The following PPP1R18 variants were observed in gnomAD, a reference collection of about 807,000 sequenced individuals.
PPP1R18 encodes protein phosphatase 1 regulatory subunit 18.
Under a neutral mutation model 54.8 loss-of-function variants are expected in PPP1R18, and 31 were observed. The ratio of observed to expected loss-of-function variants is 0.57; its 90% confidence interval spans 0.43 to 0.76. The LOEUF is 0.76. Ranked by LOEUF, PPP1R18 falls within the 30% of genes least tolerant of loss-of-function variation. The pLI, the probability that PPP1R18 is intolerant of heterozygous loss-of-function variation, is 0.00. For synonymous variants in PPP1R18, 310 were observed against 320.2 expected (o/e 0.97, Z 0.34); for missense variants, 685 against 776.1 (o/e 0.88, Z 1.39).
chr6:30,688,327 A>C, upstream of PPP1R18: 1 of 351,282 alleles, frequency 2.8e-6, no homozygotes, highest in Non-Finnish European at 5.3e-6. The surrounding 1 kb of genome is among the most constrained non-coding windows in gnomAD (Gnocchi z 5.9). Context: ...CGCAGAGGCA[A>C]GTAACAGTGC....
chr6:30,680,441 G>A lies in PPP1R18; in HGVS notation c.1612-1052C>T, dbSNP rs377400996. 1.1e-4 allele frequency among the ~76,000 whole-genome samples: 16 copies of A among 152,224 alleles called. 1 individual carries two copies. The highest frequency in any genetic ancestry group is 3.6e-4 in the African/African-American group (15 of 41,544). On this transcript the variant is annotated intron_variant, in intron 1 of 2. Transcript: ENST00000274853. ...TGGCATCTGTTTGGGAAGACTTGGG[G>A]TCAGCCGTACATCCCTGAGTCCCCT...
chr6:30,679,059 C>T (rs2127605776), intron 2 of PPP1R18, 120 bp downstream of exon 2: 1 of 714,022 alleles, frequency 1.4e-6, no homozygotes, highest in East Asian at 3.0e-5. Flanking sequence ...GCATGTTGAA[C>T]CAGAGGACCC....
rs1329965771 is a variant in PPP1R18 at position 30,677,069 on chromosome 6, C to T, written c.*200G>A. 1.4e-6 allele frequency: 1 copy of T among 706,238 alleles called. No individual in the cohort carries two copies. The highest frequency in any genetic ancestry group is 2.6e-6 in the Non-Finnish European group (1 of 385,894). The allele number at this position is 706,238 out of a possible 1,614,324, so 43.7% of individuals were successfully genotyped here. A position where few individuals can be genotyped will look rare whatever the true frequency, so the allele number is the denominator to read the frequency against. On this transcript the variant is annotated 3_prime_UTR_variant, in exon 3 of 3. Coordinates refer to ENST00000274853, the MANE Select transcript of PPP1R18 (RefSeq NM_133471.4). ...ATGCACCAGCACGTTTAACCCCACCCACACCAGGGACTTTGGATTAGGGTA... is the reference window on the plus strand; with the variant it reads ...ATGCACCAGCACGTTTAACCCCACCTACACCAGGGACTTTGGATTAGGGTA...
chr6:30,684,370 G>A lies in PPP1R18; in HGVS notation c.1611+38C>T, dbSNP rs770626550. 1 of 1,496,986 alleles carries A rather than the reference G, an allele frequency of 6.7e-7. No homozygotes were observed. Among genetic ancestry groups the A allele is most frequent in the Non-Finnish European group, 8.9e-7 (1 of 1,121,248 alleles). The allele number at this position is 1,496,986 out of a possible 1,614,324, so 92.7% of individuals were successfully genotyped here. A position where few individuals can be genotyped will look rare whatever the true frequency, so the allele number is the denominator to read the frequency against. On this transcript the variant is annotated intron_variant, in intron 1 of 2. Coordinates refer to ENST00000274853, the MANE Select transcript of PPP1R18 (RefSeq NM_133471.4). This position sits in a 1 kb window ranked among gnomAD's most constrained non-coding sequence, Gnocchi z 6.0. Reference sequence around the variant, plus strand: ...ACCAGAGTCCAGAGAAAATTGACAAGTGGACTTCTAAGAAGTCTGGCTTGG... The same window carrying A: ...ACCAGAGTCCAGAGAAAATTGACAAATGGACTTCTAAGAAGTCTGGCTTGG...
At chr6:30,678,871 A>G (rs976109443) in intron 2 of PPP1R18, among the ~76,000 whole-genome samples, 4 of 152,162 alleles carry the variant, frequency 2.6e-5, no homozygotes, top group African/African-American at 9.6e-5. Flanking sequence ...AAGAGATCAG[A>G]TGGTTTCCCT....
At position 30,685,726 on chromosome 6, in the gene PPP1R18, T is replaced by TGCTGCTGCC. The variant is rs1486656167; in HGVS notation, c.284_292dup (p.Arg95_Gln97dup). 68 of 1,612,532 alleles carry TGCTGCTGCC rather than the reference T, an allele frequency of 4.2e-5. No homozygotes were observed. The highest frequency in any genetic ancestry group is 5.7e-5 in the Non-Finnish European group (67 of 1,179,870). On this transcript the variant is annotated inframe_insertion, in exon 1 of 3. Transcript: ENST00000274853. This position sits in a 1 kb window ranked among gnomAD's most constrained non-coding sequence, Gnocchi z 5.0. ...TTCACTCCGTTGTTGTTGCTGCTGC[T>TGCTGCTGCC]GCTGCTGCCGCTCCTGCCGGATGAA... is the stretch of plus-strand genomic sequence containing the variant.
At position 30,683,425 on chromosome 6, in the gene PPP1R18, C is replaced by T. The variant is rs1770671253; in HGVS notation, c.1611+983G>A. 6.6e-6 allele frequency among the ~76,000 whole-genome samples: 1 copy of T among 152,176 alleles called. No homozygotes were observed. The highest frequency in any genetic ancestry group is 2.1e-4 in the South Asian group (1 of 4,836). ...CTTTGTTGCAAGTCTAACCTCTGACCCTCTGCTGGCCTCAGCCCCAACCCC... is the reference window on the plus strand; with the variant it reads ...CTTTGTTGCAAGTCTAACCTCTGACTCTCTGCTGGCCTCAGCCCCAACCCC... On this transcript the variant is annotated intron_variant, in intron 1 of 2. Coordinates refer to ENST00000274853, the MANE Select transcript of PPP1R18 (RefSeq NM_133471.4). This position sits in a 1 kb window ranked among gnomAD's most constrained non-coding sequence, Gnocchi z 5.1.
In PPP1R18 at chr6:30,684,851, G is replaced by C; in HGVS notation, c.1168C>G (p.Leu390Val). Residue 390 changes from leucine to valine, a missense_variant, in exon 1 of 3, where the codon CTG becomes GTG. By Grantham distance (32) the Leu-to-Val change is conservative (BLOSUM62 1). Transcript: ENST00000274853. This position sits in a 1 kb window ranked among gnomAD's most constrained non-coding sequence, Gnocchi z 6.0. ...KEEAGAQGRP[L>V]RALQNCCSVP... is the part of the protein sequence containing the mutation. ...GAGCAGCAGTTCTGCAGGGCTCTCAGAGGCCTGCCCTGAGCCCCCGCCTCC... is the reference window on the plus strand; with the variant it reads ...GAGCAGCAGTTCTGCAGGGCTCTCACAGGCCTGCCCTGAGCCCCCGCCTCC... 2 of 1,612,838 alleles carry C rather than the reference G, an allele frequency of 1.2e-6. No homozygotes were observed. Among genetic ancestry groups the C allele is most frequent in the Non-Finnish European group, 1.7e-6 (2 of 1,180,010 alleles).
At position 30,684,923 on chromosome 6, in the gene PPP1R18, G is replaced by A. The variant is rs1409879658; in HGVS notation, c.1096C>T (p.Leu366=). The change falls in exon 1 of 3, where the codon CTG becomes TTG. Residue 366 remains leucine (L), a synonymous_variant. Coordinates refer to ENST00000274853, the MANE Select transcript of PPP1R18 (RefSeq NM_133471.4). The surrounding 1 kb of genome is among the most constrained non-coding windows in gnomAD (Gnocchi z 6.0). ...CCAGCCTCCACACCGGGAGATTCCAGAAGCTTCTCTGCTGACTCTGGAGGT... is the reference window on the plus strand; with the variant it reads ...CCAGCCTCCACACCGGGAGATTCCAAAAGCTTCTCTGCTGACTCTGGAGGT... ...PEPPESAEKL[L]ESPGVEAGEG... is the part of the protein sequence containing the mutation. 1 of 1,613,048 alleles carries A rather than the reference G, an allele frequency of 6.2e-7. No homozygotes were observed. Among genetic ancestry groups the A allele is most frequent in the Non-Finnish European group, 8.5e-7 (1 of 1,180,012 alleles).
chr6:30,686,713 T>G (rs1477841975), upstream of PPP1R18: 1 of 50,582 alleles, frequency 2.0e-5, no homozygotes, highest in Non-Finnish European at 4.5e-5. Context: ...CCCCCACCCC[T>G]CTGCCCCGCA....
At chr6:30,678,610 C>T (rs1446753685) in intron 2 of PPP1R18, among the ~76,000 whole-genome samples, 1 of 150,540 alleles carries the variant, frequency 6.6e-6, no homozygotes, top group Non-Finnish European at 1.5e-5. Flanking sequence ...GATCTCCTGA[C>T]TTCGTGATCC....
In PPP1R18 at chr6:30,684,165, C is replaced by A. The variant is rs2127612493; in HGVS notation, c.1611+243G>T. On this transcript the variant is annotated intron_variant, in intron 1 of 2. Transcript: ENST00000274853. The surrounding 1 kb of genome is among the most constrained non-coding windows in gnomAD (Gnocchi z 6.0). ...GGAAGGGAGAATGAGCAGCCTGGCA[C>A]ACCCTGAAAGAGACACACCCAGAGA... 6.6e-6 allele frequency among the ~76,000 whole-genome samples: 1 copy of A among 152,256 alleles called. No homozygotes were observed. Among genetic ancestry groups the A allele is most frequent in the Middle Eastern group, 3.4e-3 (1 of 294 alleles).
Position 30,683,108 on chromosome 6 carries a change from C to G in PPP1R18, c.1611+1300G>C, listed in dbSNP as rs1295425028. Reference sequence around the variant, plus strand: ...GAATTGGGGGATCAAATGAACCCCCCTCCACCCAAGGCTTAACCCGTATCT... The same window carrying G: ...GAATTGGGGGATCAAATGAACCCCCGTCCACCCAAGGCTTAACCCGTATCT... On this transcript the variant is annotated intron_variant, in intron 1 of 2. Coordinates refer to ENST00000274853, the MANE Select transcript of PPP1R18 (RefSeq NM_133471.4). The surrounding 1 kb of genome is among the most constrained non-coding windows in gnomAD (Gnocchi z 5.1). Among the ~76,000 whole-genome samples, 4 of 152,330 alleles carry G rather than the reference C, an allele frequency of 2.6e-5. No homozygotes were observed. Among genetic ancestry groups the G allele is most frequent in the African/African-American group, 4.8e-5 (2 of 41,574 alleles).
In PPP1R18 at chr6:30,676,695, AT is replaced by A. The variant is rs1160869350; in HGVS notation, c.*573del. On this transcript the variant is annotated 3_prime_UTR_variant, in exon 3 of 3. Coordinates refer to ENST00000274853, the MANE Select transcript of PPP1R18 (RefSeq NM_133471.4). The stretch of plus-strand genomic sequence containing the variant: ...GAGACTGGAGGGGACAGAGGAGAGA[AT>A]TCCACGCAGACACAGCAAGTAAGCG... 4.7e-6 allele frequency: 1 copy of A among 214,450 alleles called. No individual in the cohort carries two copies. Among genetic ancestry groups the A allele is most frequent in the African/African-American group, 2.4e-5 (1 of 41,746 alleles). The allele number at this position is 214,450 out of a possible 1,614,324, so 13.3% of individuals were successfully genotyped here. A position where few individuals can be genotyped will look rare whatever the true frequency, so the allele number is the denominator to read the frequency against.
chr6:30,684,701 C>A lies in PPP1R18; in HGVS notation c.1318G>T (p.Ala440Ser). ...AGGGGATCCCCAGGAGGTTGGGGGG[C>A]AGTTGGGGCTGGGGGTGGGGGAGAC... ...PLSPPPPAPT[A>S]PQPPGDPLMS... The change falls in exon 1 of 3, where the codon GCC becomes TCC. Residue 440 changes from alanine (A) to serine (S), a missense_variant. Transcript: ENST00000274853. This position sits in a 1 kb window ranked among gnomAD's most constrained non-coding sequence, Gnocchi z 6.0. 2 of 1,463,954 alleles carry A rather than the reference C, an allele frequency of 1.4e-6. No individual in the cohort carries two copies. The highest frequency in any genetic ancestry group is 1.8e-6 in the Non-Finnish European group (2 of 1,096,890). The allele number at this position is 1,463,954 out of a possible 1,614,324, so 90.7% of individuals were successfully genotyped here.
chr6:30,679,396 G>T lies in PPP1R18; in HGVS notation c.1612-7C>A. 6.3e-7 allele frequency: 1 copy of T among 1,589,010 alleles called. No homozygotes were observed. The highest frequency in any genetic ancestry group is 8.5e-7 in the Non-Finnish European group (1 of 1,169,980). On this transcript the variant is annotated splice_region_variant and splice_polypyrimidine_tract_variant and intron_variant, in intron 1 of 2. Coordinates refer to ENST00000274853, the MANE Select transcript of PPP1R18 (RefSeq NM_133471.4). ...CGCTGAAGGAGATCTTAAGCTGAAG[G>T]AGGGAGAAAAAGGGGGCAGGAGGCA...
In PPP1R18 at chr6:30,685,312, G is replaced by A. The variant is rs1562029444; in HGVS notation, c.707C>T (p.Thr236Ile). ...GESAYQKLGL[T>I]EAHKWRPDSR... is the part of the protein sequence containing the mutation. ...GTCAGGTCTCCATTTATGGGCCTCT[G>A]TCAGGCCCAACTTCTGGTAGGCAGA... The change falls in exon 1 of 3, where the codon ACA becomes ATA. Residue 236 changes from threonine to isoleucine, a missense_variant. Thr to Ile is a moderately conservative substitution (Grantham distance 89, BLOSUM62 -1). Coordinates refer to ENST00000274853, the MANE Select transcript of PPP1R18 (RefSeq NM_133471.4). This position sits in a 1 kb window ranked among gnomAD's most constrained non-coding sequence, Gnocchi z 5.0. 1 of 1,613,034 alleles carries A rather than the reference G, an allele frequency of 6.2e-7. No homozygotes were observed. The highest frequency in any genetic ancestry group is 8.5e-7 in the Non-Finnish European group (1 of 1,180,028).
At chr6:30,680,754 T>G (rs1010672986) in intron 1 of PPP1R18, among the ~76,000 whole-genome samples, 3 of 152,146 alleles carry the variant, frequency 2.0e-5, no homozygotes, top group African/African-American at 7.2e-5. Flanking sequence ...TTGTTGGCTC[T>G]GAACCCTGCA....
At position 30,678,628 on chromosome 6, in the gene PPP1R18, T is replaced by C. The variant is rs138991022; in HGVS notation, c.1822+551A>G. Among the ~76,000 whole-genome samples, 160 of 152,162 alleles carry C rather than the reference T, an allele frequency of 1.1e-3. 1 individual carries two copies. The highest frequency in any genetic ancestry group is 3.4e-3 in the African/African-American group (140 of 41,512). On this transcript the variant is annotated intron_variant, in intron 2 of 2. Coordinates refer to ENST00000274853, the MANE Select transcript of PPP1R18 (RefSeq NM_133471.4). ...CTCCTGACTTCGTGATCCGCCCGCC[T>C]CGGCCTCCCAAAGTGCTGGGATCAC...
Sources: allele counts gnomAD v4.1 joint callset (sites outside exome capture counted in the v4.1 genomes callset), GRCh38; gene constraint gnomAD v4.1.1; non-coding constraint Gnocchi (gnomAD v3.1); transcripts MANE v1.5; gene names NCBI Gene and HGNC (gene_info 2026-07-23, HGNC 2026-07-21).